OPCML: variants seen among roughly 807,000 people sequenced by gnomAD.
OPCML encodes opioid-binding protein/cell adhesion molecule.
In OPCML, 13 loss-of-function variants were observed where a neutral mutation model predicts 37.8. The observed-to-expected ratio is 0.34, with a 90% confidence interval of 0.22 to 0.55. The LOEUF (loss-of-function observed/expected upper bound fraction) is 0.55. Ranked by LOEUF, OPCML falls within the 20% of genes least tolerant of loss-of-function variation. The probability of loss-of-function intolerance (pLI) is 0.91; values close to 1 mark genes in which losing one functional copy is unlikely to be tolerated. For missense variants in OPCML, 341 were observed against 435.6 expected (o/e 0.78, Z 1.93); for synonymous variants, 176 against 168.8 (o/e 1.04, Z -0.33).
intron 1 of OPCML, among the ~76,000 whole-genome samples, chr11:133,186,769 A>C (rs1349264075): frequency 6.6e-6 from 1 of 152,224 alleles, no homozygotes; most frequent in Non-Finnish European, 1.5e-5. Flanking sequence ...GCAAGCACTA[A>C]TCAATAGCAT....
intron 1 of OPCML, among the ~76,000 whole-genome samples, chr11:133,085,096 G>A (rs1056242041): frequency 1.3e-5 from 2 of 152,076 alleles, no homozygotes; most frequent in Non-Finnish European, 2.9e-5. Context: ...ATTTAATGTT[G>A]AAGTTCATCC....
intron 2 of OPCML, among the ~76,000 whole-genome samples, chr11:132,739,890 G>A (rs1945382682): frequency 6.6e-6 from 1 of 152,088 alleles, no homozygotes. Flanking sequence ...CAGTCACTTG[G>A]ACTCGTTTTT....
chr11:132,999,291 T>C (rs1946948046), intron 1 of OPCML, among the ~76,000 whole-genome samples: 1 of 146,196 alleles, frequency 6.8e-6, no homozygotes, highest in Admixed American at 6.8e-5. Context: ...CCCAGCCCCC[T>C]CCCTAGCAAT....
chr11:132,533,972 A>G (rs2096333343), intron 3 of OPCML, among the ~76,000 whole-genome samples: 1 of 152,164 alleles, frequency 6.6e-6, no homozygotes, highest in Admixed American at 6.5e-5. Context: ...TATACACACA[A>G]TGACTGACAT....
Position 132,954,430 on chromosome 11 carries a change from CT to C in OPCML, c.62-11421del, listed in dbSNP as rs5795811. ...AAGGAAAAGTTCACTTTTAAGTGAA[CT>C]TTTTTAAAGACTCAAAGGAAAAGTT... On this transcript the variant is annotated intron_variant, in intron 1 of 7. Coordinates refer to ENST00000524381, the MANE Select transcript of OPCML (RefSeq NM_001012393.5). 1.6e-4 allele frequency among the ~76,000 whole-genome samples: 6 copies of C among 37,412 alleles called. No homozygotes were observed. In the East Asian group the frequency reaches 8.1e-3, roughly 50 times the overall value. The allele number at this position is 37,412 out of a possible 152,430, so 24.5% of individuals were successfully genotyped here.
intron 3 of OPCML, among the ~76,000 whole-genome samples, chr11:132,535,135 A>G (rs1368078819): frequency 6.6e-6 from 1 of 151,376 alleles, no homozygotes; most frequent in Non-Finnish European, 1.5e-5. Context: ...TACATAGAGT[A>G]TATGTAGAGT....
At chr11:133,336,512 A>T (rs1326891611) in intron 1 of OPCML, among the ~76,000 whole-genome samples, 1 of 152,218 alleles carries the variant, frequency 6.6e-6, no homozygotes, top group African/African-American at 2.4e-5. Flanking sequence ...CATTGCTTTT[A>T]AGATGGAAGT....
chr11:133,025,541 A>T (rs1239349880), intron 1 of OPCML: 1 of 871,666 alleles, frequency 1.1e-6, no homozygotes, highest in African/African-American at 1.8e-5. Context: ...AAAGCTGAAA[A>T]TTTAAAAAGA....
intron 1 of OPCML, among the ~76,000 whole-genome samples, chr11:133,288,499 C>T (rs1453987463): frequency 3.3e-5 from 5 of 152,278 alleles, no homozygotes; most frequent in Middle Eastern, 6.8e-3. Flanking sequence ...GGCTCAACCA[C>T]GAACCTGGGG....
intron 2 of OPCML, among the ~76,000 whole-genome samples, chr11:132,784,625 A>G (rs934657124): frequency 3.9e-4 from 59 of 151,962 alleles, no homozygotes; most frequent in Non-Finnish European, 1.5e-4. Context: ...GTGACCTCCA[A>G]TGTTGGACGT....
At chr11:133,525,529 C>T (rs941400205) in intron 1 of OPCML, among the ~76,000 whole-genome samples, 1 of 150,868 alleles carries the variant, frequency 6.6e-6, no homozygotes, top group Non-Finnish European at 1.5e-5. Context: ...TTAGGCAACG[C>T]GAAGATCAGA....
In OPCML at chr11:132,873,423, C is replaced by T. The variant is rs568191570; in HGVS notation, c.146+69503G>A. Among the ~76,000 whole-genome samples the T allele has an allele frequency of 2.6e-5, 4 of 152,240 alleles. No individual in the cohort carries two copies. In the East Asian group the frequency reaches 7.7e-4, roughly 29 times the overall value. The stretch of plus-strand genomic sequence containing the variant: ...CAGGTGTAGGCATGCCCCCCAGAGC[C>T]TCCTGCCCCTTACTGCGCCCTTTCC... On this transcript the variant is annotated intron_variant, in intron 2 of 7. Transcript: ENST00000524381.
At chr11:132,429,426 A>G (rs1287151022) in intron 7 of OPCML, among the ~76,000 whole-genome samples, 1 of 152,182 alleles carries the variant, frequency 6.6e-6, no homozygotes, top group East Asian at 1.9e-4. Flanking sequence ...GAGAAGTCAG[A>G]GGAAAGGCCA....
At chr11:133,328,157 A>ATTTTTT (rs533894891) in intron 1 of OPCML, among the ~76,000 whole-genome samples, 1 of 138,274 alleles carries the variant, frequency 7.2e-6, no homozygotes, top group Non-Finnish European at 1.6e-5. Context: ...GTGTGTTTTA[A>ATTTTTT]TTTTTTTTTT....
chr11:133,463,653 C>T (rs1946909745), intron 1 of OPCML, among the ~76,000 whole-genome samples: 1 of 152,088 alleles, frequency 6.6e-6, no homozygotes, highest in African/African-American at 2.4e-5. Context: ...TGTTCTAGCT[C>T]TCTCAATAAA....
At chr11:132,640,255 G>A (rs1206564126) in intron 3 of OPCML, among the ~76,000 whole-genome samples, 1 of 152,118 alleles carries the variant, frequency 6.6e-6, no homozygotes, top group African/African-American at 2.4e-5. Context: ...GAGCAGTGTG[G>A]GTGGGACTGC....
chr11:133,140,946 C>CGAAGACGAA lies in OPCML; in HGVS notation c.62-197937_62-197936insTTCGTCTTC, dbSNP rs1491151678. On this transcript the variant is annotated intron_variant, in intron 1 of 7. Transcript: ENST00000524381. ...ACGACGACGACGAAGAAGAAGAAGACGACGAAGAAGAAGAAGAAGAAGAAG... is the reference window on the plus strand; with the variant it reads ...ACGACGACGACGAAGAAGAAGAAGACGAAGACGAAGACGAAGAAGAAGAAGAAGAAGAAG... 4.3e-4 allele frequency among the ~76,000 whole-genome samples: 2 copies of CGAAGACGAA among 4,656 alleles called. 1 individual carries two copies. The highest frequency in any genetic ancestry group is 1.5e-3 in the Non-Finnish European group (2 of 1,308). The allele number at this position is 4,656 out of a possible 152,430, so 3.1% of individuals were successfully genotyped here. A position where few individuals can be genotyped will look rare whatever the true frequency, so the allele number is the denominator to read the frequency against.
intron 1 of OPCML, among the ~76,000 whole-genome samples, chr11:133,350,957 T>C (rs913941600): frequency 6.6e-6 from 1 of 152,156 alleles, no homozygotes; most frequent in Admixed American, 6.5e-5. Context: ...GGAAGGGCTG[T>C]GAATGCACAT....
intron 2 of OPCML, among the ~76,000 whole-genome samples, chr11:132,746,423 C>T (rs1349478629): frequency 1.3e-5 from 2 of 152,134 alleles, no homozygotes; most frequent in African/African-American, 2.4e-5. Context: ...TGTGAGGAGA[C>T]ACCACTCTCA....
Sources: gnomAD v4.1 joint callset for allele counts (sites outside exome capture counted in the v4.1 genomes callset) on GRCh38, gnomAD v4.1.1 for gene constraint, MANE v1.5 for transcripts, NCBI Gene and HGNC (gene_info 2026-07-23, HGNC 2026-07-21) for gene names.